COL4A5: variants seen among roughly 807,000 people sequenced by gnomAD.
The protein encoded by COL4A5 is collagen alpha-5(IV) chain.
COL4A5 carries 26 observed loss-of-function variants against 130.2 expected under a neutral mutation model. That is an observed-to-expected ratio of 0.20 (90% CI 0.15 to 0.28). The LOEUF (loss-of-function observed/expected upper bound fraction) is 0.28, where lower values mean the gene tolerates loss of function less well. Among genes scored for constraint, COL4A5 ranks in the 10% least tolerant of loss-of-function variants. COL4A5 has a pLI of 1.00. For missense variants in COL4A5, 1,131 were observed against 1,344.3 expected (o/e 0.84, Z 2.48); for synonymous variants, 496 against 439.6 (o/e 1.13, Z -1.60).
intron 1 of COL4A5, among the ~76,000 whole-genome samples, chrX:108,536,234 G>A (rs752792995): frequency 1.2e-3 from 134 of 108,414 alleles, no homozygotes; most frequent in South Asian, 2.7e-3. Flanking sequence ...ACATCTATTT[G>A]ACGTCAACTT....
chrX:108,459,467 G>C (rs2064621350), intron 1 of COL4A5, among the ~76,000 whole-genome samples: 1 of 112,057 alleles, frequency 8.9e-6, no homozygotes, highest in Non-Finnish European at 1.9e-5. Flanking sequence ...AAGTCTAGTA[G>C]CAATCATTCC....
In COL4A5 at chrX:108,601,918, C is replaced by A; in HGVS notation, c.2075C>A (p.Pro692Gln). Residue 692 changes from proline to glutamine, a missense_variant, in exon 27 of 53, where the codon CCA (proline) becomes CAA (glutamine). Pro to Gln is a moderately conservative substitution (Grantham distance 76, BLOSUM62 -1). Transcript: ENST00000328300. ...GGACTTCCAGGGCAACCAGGCTTGC[C>A]AGGGATACCTGGTAGCAAAGGAGAA... ...DPGLPGQPGL[P>Q]GIPGSKGEPG... is the part of the protein sequence containing the mutation. 1 of 1,165,089 alleles carries A rather than the reference C, an allele frequency of 8.6e-7. No individual in the cohort carries two copies. Among genetic ancestry groups the A allele is most frequent in the South Asian group, 1.9e-5 (1 of 52,931 alleles).
At chrX:108,625,086 A>T (rs1254855004) in intron 34 of COL4A5, among the ~76,000 whole-genome samples, 1 of 111,931 alleles carries the variant, frequency 8.9e-6, no homozygotes, top group Non-Finnish European at 1.9e-5. Context: ...AAGGAAAAAA[A>T]TAAAATAAAA....
In COL4A5 at chrX:108,539,772, A is replaced by G. The variant is rs1164696602; in HGVS notation, c.108A>G (p.Ser36=). 7.4e-6 allele frequency: 9 copies of G among 1,208,092 alleles called. No individual in the cohort carries two copies. The highest frequency in any genetic ancestry group is 1.0e-5 in the Non-Finnish European group (9 of 893,923). Residue 36 remains serine, a synonymous_variant, in exon 2 of 53, where the codon TCA becomes TCG. Transcript: ENST00000328300. ...AAACYGCSPG[S]KCDCSGIKGE... is the part of the protein sequence containing the mutation. The stretch of plus-strand genomic sequence containing the variant: ...CTTGCTATGGGTGTTCTCCAGGATC[A>G]AAGTGTGACTGCAGTGGCATAAAAG...
chrX:108,668,237 C>CTAAT, intron 40 of COL4A5, 82 bp from the exon 41 acceptor site: 1 of 932,265 alleles, frequency 1.1e-6, no homozygotes, highest in Non-Finnish European at 1.5e-6. Context: ...ATTAATTGCC[C>CTAAT]TAATGTATGT....
intron 1 of COL4A5, among the ~76,000 whole-genome samples, chrX:108,512,042 A>G (rs777327816): frequency 1.8e-5 from 2 of 112,120 alleles, no homozygotes; most frequent in Non-Finnish European, 3.8e-5. Context: ...TCATAGCCCA[A>G]TAAGCTGTTA....
intron 25 of COL4A5, among the ~76,000 whole-genome samples, chrX:108,600,298 CTTTG>C (rs1366880923): frequency 9.0e-6 from 1 of 111,651 alleles, no homozygotes; most frequent in African/African-American, 3.3e-5. Context: ...CATTTTTACT[CTTTG>C]TTTGGTGTCT....
At chrX:108,625,872 AGGCTGGTGTT>A in intron 35 of COL4A5, 78 bp downstream of exon 35, 1 of 745,166 alleles carries the variant, frequency 1.3e-6, no homozygotes, top group Non-Finnish European at 2.1e-6. Context: ...GTCAGAAAAG[AGGCTGGTGTT>A]GATAGAATCA....
intron 1 of COL4A5, among the ~76,000 whole-genome samples, chrX:108,479,344 G>A (rs2064866674): frequency 1.8e-5 from 2 of 112,373 alleles, no homozygotes; most frequent in Non-Finnish European, 1.9e-5. Flanking sequence ...CCGTGAATCA[G>A]TATACAATCG....
At chrX:108,517,226 C>A (rs570528558) in intron 1 of COL4A5, among the ~76,000 whole-genome samples, 7 of 110,528 alleles carry the variant, frequency 6.3e-5, no homozygotes, top group African/African-American at 2.3e-4. Flanking sequence ...ATTTTCTTCC[C>A]AAGGTTTCAT....
At chrX:108,667,360 G>A (rs1239679626) in intron 40 of COL4A5, among the ~76,000 whole-genome samples, 177 bp downstream of exon 40, 1 of 111,488 alleles carries the variant, frequency 9.0e-6, no homozygotes, top group Non-Finnish European at 1.9e-5. Context: ...TTAAGGAGTT[G>A]TGTTAAATAA....
chrX:108,475,236 C>G (rs1480514040), intron 1 of COL4A5, among the ~76,000 whole-genome samples: 1 of 111,068 alleles, frequency 9.0e-6, no homozygotes, highest in Non-Finnish European at 1.9e-5. Flanking sequence ...CCTTTAAGAA[C>G]TTATTTTAGC....
At chrX:108,630,000 T>C (rs2067223900) in intron 36 of COL4A5, among the ~76,000 whole-genome samples, 1 of 112,048 alleles carries the variant, frequency 8.9e-6, no homozygotes, top group South Asian at 3.7e-4. Flanking sequence ...ATCTTTTTTA[T>C]GGCTGCATAG....
intron 44 of COL4A5, among the ~76,000 whole-genome samples, chrX:108,678,222 G>A (rs1413090736): frequency 1.8e-5 from 2 of 111,880 alleles, no homozygotes; most frequent in Admixed American, 9.5e-5. Flanking sequence ...CAAGATGATT[G>A]CTGGTGGATT....
chrX:108,631,546 T>C (rs1354360933), intron 36 of COL4A5, among the ~76,000 whole-genome samples: 1 of 111,000 alleles, frequency 9.0e-6, no homozygotes, highest in East Asian at 2.8e-4. Context: ...CAGCACCACA[T>C]TGCACTTATT....
intron 1 of COL4A5, among the ~76,000 whole-genome samples, chrX:108,496,822 A>G (rs777635532): frequency 5.4e-4 from 60 of 111,879 alleles, no homozygotes; most frequent in African/African-American, 1.8e-3. Flanking sequence ...AGTGTCAAAA[A>G]TTAATATCAC....
intron 1 of COL4A5, among the ~76,000 whole-genome samples, chrX:108,477,052 C>T (rs1603251639): frequency 8.9e-6 from 1 of 111,742 alleles, no homozygotes. Flanking sequence ...TCATGTTTTT[C>T]TGCCTGCTTT....
At chrX:108,622,203 A>G (rs183458795) in intron 32 of COL4A5, among the ~76,000 whole-genome samples, 123 of 111,987 alleles carry the variant, frequency 1.1e-3, no homozygotes, top group African/African-American at 3.5e-3. Flanking sequence ...ATCTCAGCTC[A>G]CTCCAAATTC....
At chrX:108,667,368 TA>T (rs1214618493) in intron 40 of COL4A5, among the ~76,000 whole-genome samples, 185 bp downstream of exon 40, 1 of 111,587 alleles carries the variant, frequency 9.0e-6, no homozygotes, top group African/African-American at 3.3e-5. Context: ...TTGTGTTAAA[TA>T]AAAATGTATC....
Sources: allele counts gnomAD v4.1 joint callset (sites outside exome capture counted in the v4.1 genomes callset), GRCh38; gene constraint gnomAD v4.1.1; transcripts MANE v1.5; gene names NCBI Gene and HGNC (gene_info 2026-07-23, HGNC 2026-07-21).